The following EDEM3 variants were observed in gnomAD, a reference collection of about 807,000 sequenced individuals.
EDEM3 encodes ER degradation enhancing alpha-mannosidase like protein 3, also known as ER degradation-enhancing alpha-mannosidase-like protein 3.
In EDEM3, 60 loss-of-function variants were observed where a neutral mutation model predicts 110.2. That is an observed-to-expected ratio of 0.54 (90% CI 0.44 to 0.67). The LOEUF (loss-of-function observed/expected upper bound fraction) is 0.67, where lower values mean the gene tolerates loss of function less well. EDEM3 is among the 30% of genes least tolerant of loss of function. EDEM3 has a pLI of 0.00. For missense variants in EDEM3, 996 were observed against 1,121.0 expected (o/e 0.89, Z 1.59); for synonymous variants, 352 against 382.9 (o/e 0.92, Z 0.94).
chr1:184,753,062 G>T (rs943626976), intron 1 of EDEM3, among the ~76,000 whole-genome samples: 1 of 152,048 alleles, frequency 6.6e-6, no homozygotes, highest in Non-Finnish European at 1.5e-5. Context: ...TCCATCAAGT[G>T]ACCTTTATTG....
chr1:184,694,347 A>C lies in EDEM3; in HGVS notation c.2515T>G (p.Ser839Ala), dbSNP rs767268568. 1.9e-6 allele frequency: 3 copies of C among 1,612,914 alleles called. No individual in the cohort carries two copies. In the South Asian group the frequency reaches 3.3e-5, roughly 18 times the overall value. Residue 839 changes from serine to alanine, a missense_variant, in exon 20 of 20, where the codon TCT becomes GCT. Around this residue, in one of 5 missense-constraint regions of EDEM3, gnomAD observed 345 missense variants for 402.0 expected, o/e 0.86. Coordinates refer to ENST00000318130, the MANE Select transcript of EDEM3 (RefSeq NM_025191.4). ...AATGATTCTGGGTGAGAATTTAGAG[A>C]ATTTTCCTCAGAAGACTCTTGATCA... ...LVDQESSEEN[S>A]LNSHPESLSL...
At chr1:184,719,872 T>C (rs1412488076) in intron 9 of EDEM3, among the ~76,000 whole-genome samples, 2 of 152,240 alleles carry the variant, frequency 1.3e-5, no homozygotes, top group African/African-American at 4.8e-5. Context: ...TTGGTATGAC[T>C]TTGCGGCCCA....
intron 4 of EDEM3, among the ~76,000 whole-genome samples, 193 bp downstream of exon 4, chr1:184,736,832 G>T (rs1180172374): frequency 6.6e-6 from 1 of 152,044 alleles, no homozygotes; most frequent in Non-Finnish European, 1.5e-5. Context: ...AATTATTTGG[G>T]TATCTCTGTT....
intron 19 of EDEM3, among the ~76,000 whole-genome samples, chr1:184,700,635 T>G (rs974856345): frequency 6.6e-6 from 1 of 151,982 alleles, no homozygotes; most frequent in Non-Finnish European, 1.5e-5. Context: ...GATTGAATAT[T>G]TGGAGCAGGA....
rs1333148669 is a variant in EDEM3 at position 184,694,288 on chromosome 1, A to G, written c.2574T>C (p.Ile858=). Residue 858 remains isoleucine (I), a synonymous_variant, in exon 20 of 20, where the codon ATT becomes ATC. Transcript: ENST00000318130. ...SLADMDNAAS[I]SPSEQTSNPT... is the part of the protein sequence containing the mutation. ...GATTAGAAGTCTGTTCAGAAGGGGA[A>G]ATGCTTGCAGCATTGTCCATATCTG... The G allele has an allele frequency of 6.2e-7, 1 of 1,613,314 alleles. No homozygotes were observed. The highest frequency in any genetic ancestry group is 8.5e-7 in the Non-Finnish European group (1 of 1,179,606).
intron 16 of EDEM3, among the ~76,000 whole-genome samples, chr1:184,708,844 T>C (rs1484637513): frequency 3.3e-5 from 5 of 152,206 alleles, no homozygotes; most frequent in African/African-American, 1.2e-4. Flanking sequence ...TAAAGTTAGC[T>C]ATGATAAAAT....
Position 184,711,408 on chromosome 1 carries a change from T to C in EDEM3, c.1691+315A>G, listed in dbSNP as rs569453125. On this transcript the variant is annotated intron_variant, in intron 15 of 19. Transcript: ENST00000318130. ...AGCTATCATGCCTGGCCAGAAAATA[T>C]TCGATGAAACTATTCCATGAAAAAT... 1.6e-4 allele frequency among the ~76,000 whole-genome samples: 24 copies of C among 152,246 alleles called. No individual in the cohort carries two copies. The South Asian group carries it at 1.9e-3, about 12-fold the overall frequency.
intron 11 of EDEM3, 74 bp downstream of exon 11, chr1:184,719,088 T>G (rs1478747786): frequency 2.6e-6 from 2 of 762,404 alleles, no homozygotes; most frequent in Non-Finnish European, 2.0e-6. Context: ...TAGCAACTTA[T>G]AGTGTATATG....
At chr1:184,741,961 T>C (rs1392593828) in intron 2 of EDEM3, among the ~76,000 whole-genome samples, 7 of 152,220 alleles carry the variant, frequency 4.6e-5, no homozygotes, top group Non-Finnish European at 8.8e-5. Flanking sequence ...GTATCTTGTA[T>C]ATGACTTGTT....
At chr1:184,750,989 C>T (rs1203069510) in intron 1 of EDEM3, among the ~76,000 whole-genome samples, 1 of 151,956 alleles carries the variant, frequency 6.6e-6, no homozygotes, top group African/African-American at 2.4e-5. Context: ...ACAGAAAAGA[C>T]CTCAGTTCCA....
chr1:184,731,201 G>A (rs1651494825), intron 6 of EDEM3, among the ~76,000 whole-genome samples: 1 of 152,166 alleles, frequency 6.6e-6, no homozygotes, highest in Non-Finnish European at 1.5e-5. Context: ...GAGGGAGAGA[G>A]TAATAGTGTT....
chr1:184,723,722 G>T, intron 8 of EDEM3, 29 bp downstream of exon 8: 1 of 1,505,154 alleles, frequency 6.6e-7, no homozygotes, highest in Non-Finnish European at 9.1e-7. Context: ...GGATGCAAAG[G>T]CTTGATTTAA....
intron 14 of EDEM3, 42 bp downstream of exon 14, chr1:184,712,391 A>C: frequency 6.6e-7 from 1 of 1,523,824 alleles, no homozygotes; most frequent in South Asian, 1.3e-5. Flanking sequence ...TAAAACATGT[A>C]GAAATAAAAA....
At chr1:184,712,905 A>T (rs1650335846) in intron 13 of EDEM3, among the ~76,000 whole-genome samples, 1 of 152,232 alleles carries the variant, frequency 6.6e-6, no homozygotes, top group Admixed American at 6.5e-5. Context: ...GAGAATCAAC[A>T]GCAGGGAGGT....
At position 184,702,984 on chromosome 1, in the gene EDEM3, C is replaced by T; in HGVS notation, c.2216G>A (p.Gly739Glu). The change falls in exon 19 of 20, where the codon GGG (glycine) becomes GAG (glutamate). Residue 739 changes from glycine (G) to glutamate (E), a missense_variant. This residue lies in a region of EDEM3 where 345 missense variants were observed against 402.0 expected (regional missense o/e 0.86). Coordinates refer to ENST00000318130, the MANE Select transcript of EDEM3 (RefSeq NM_025191.4). The stretch of plus-strand genomic sequence containing the variant: ...CAGAGGGGCAGTATCACTGCTGCTC[C>T]CCTCATTGTCATCTAGCCAGAAAAT... ...IGGIVIDDNEGSSSDTAPLFQ... is the reference protein window; with the variant it reads ...IGGIVIDDNEESSSDTAPLFQ... The T allele has an allele frequency of 1.3e-6, 2 of 1,598,854 alleles. No homozygotes were observed. Among genetic ancestry groups the T allele is most frequent in the South Asian group, 1.1e-5 (1 of 88,224 alleles).
chr1:184,712,733 A>G (rs1170089199), intron 13 of EDEM3, 135 bp from the exon 14 acceptor site: 6 of 572,090 alleles, frequency 1.0e-5, no homozygotes, highest in African/African-American at 2.0e-5. Flanking sequence ...GAATGTATCA[A>G]TCTACCAGGG....
In EDEM3 at chr1:184,737,272, T is replaced by G. The variant is rs145463628; in HGVS notation, c.306-208A>C. On this transcript the variant is annotated intron_variant, in intron 3 of 19. Transcript: ENST00000318130. ...CAATGAATCTACGTATCTTCAAGAG[T>G]CATAGAAACATTCACTAGCTCTGAA... Among the ~76,000 whole-genome samples the G allele has an allele frequency of 2.8e-3, 433 of 152,112 alleles. 5 individuals are homozygous for G. In the East Asian group the frequency reaches 0.036, roughly 12 times the overall value.
intron 3 of EDEM3, among the ~76,000 whole-genome samples, chr1:184,737,343 CTT>C (rs1246710278): frequency 6.6e-6 from 1 of 152,066 alleles, no homozygotes; most frequent in East Asian, 1.9e-4. Flanking sequence ...GTGCTAATGA[CTT>C]TATAAATATT....
rs1049964393 is a variant in EDEM3, at chr1:184,703,585, T to C, written c.2204-589A>G. 2.0e-5 allele frequency among the ~76,000 whole-genome samples: 3 copies of C among 152,232 alleles called. No homozygotes were observed. The East Asian group carries it at 5.8e-4, about 29-fold the overall frequency. On this transcript the variant is annotated intron_variant, in intron 18 of 19. Coordinates refer to ENST00000318130, the MANE Select transcript of EDEM3 (RefSeq NM_025191.4). Reference sequence around the variant, plus strand: ...TTGCTATTTTGCATTGGTTAAATAATAGTAGTAGAACTATTAATAGTAGTA... The same window carrying C: ...TTGCTATTTTGCATTGGTTAAATAACAGTAGTAGAACTATTAATAGTAGTA...
Sources: allele counts gnomAD v4.1 joint callset (sites outside exome capture counted in the v4.1 genomes callset), GRCh38; gene constraint gnomAD v4.1.1; regional missense constraint gnomAD v4.1.1; transcripts MANE v1.5; gene names NCBI Gene and HGNC (gene_info 2026-07-23, HGNC 2026-07-21).